The following SMCO3 variants were observed in gnomAD, a reference collection of about 807,000 sequenced individuals.
SMCO3 encodes single-pass membrane and coiled-coil domain-containing protein 3.
Under a neutral mutation model 12.0 loss-of-function variants are expected in SMCO3, and 6 were observed. The observed-to-expected ratio is 0.50, with a 90% confidence interval of 0.27 to 0.99. SMCO3 has a LOEUF of 0.99. Ranked by LOEUF, SMCO3 falls within the 50% of genes least tolerant of loss-of-function variation. The probability of loss-of-function intolerance (pLI) is 0.11; values close to 1 mark genes in which losing one functional copy is unlikely to be tolerated. For missense variants in SMCO3, 279 were observed against 265.0 expected (o/e 1.05, Z -0.37); for synonymous variants, 96 against 96.4 (o/e 1.00, Z 0.02).
At chr12:14,812,120 A>T (rs572679521) in intron 1 of SMCO3, among the ~76,000 whole-genome samples, 1 of 152,314 alleles carries the variant, frequency 6.6e-6, no homozygotes, top group East Asian at 1.9e-4. Flanking sequence ...TTCATCTTTT[A>T]TTCACTTAAC....
chr12:14,807,262 C>T (rs572659945), intron 1 of SMCO3, among the ~76,000 whole-genome samples: 4 of 152,310 alleles, frequency 2.6e-5, no homozygotes, highest in South Asian at 2.1e-4. Flanking sequence ...AAATATTCAT[C>T]GTTTGTCAAG....
At chr12:14,808,369 CT>C (rs994415969) in intron 1 of SMCO3, among the ~76,000 whole-genome samples, 50 of 145,546 alleles carry the variant, frequency 3.4e-4, no homozygotes, top group Admixed American at 4.1e-4. Flanking sequence ...GTGGCTGGTA[CT>C]TTTTTTTTTT....
At chr12:14,811,199 A>C (rs1950130565) in intron 1 of SMCO3, among the ~76,000 whole-genome samples, 1 of 152,180 alleles carries the variant, frequency 6.6e-6, no homozygotes, top group Non-Finnish European at 1.5e-5. Flanking sequence ...ACTTTTGTAC[A>C]GAGTTTGTGC....
Position 14,806,371 on chromosome 12 carries a change from C to T in SMCO3, c.310G>A (p.Glu104Lys), listed in dbSNP as rs753092756. ...TLYRKLQDIK[E>K]KETDKIAIVQ... ...ATTGCAATTTTGTCTGTTTCCTTTTCCTTAATATCCTGAAGTTTTCTATAG... is the reference window on the plus strand; with the variant it reads ...ATTGCAATTTTGTCTGTTTCCTTTTTCTTAATATCCTGAAGTTTTCTATAG... The change falls in exon 2 of 2, where the codon GAA becomes AAA. Residue 104 changes from glutamate (E) to lysine (K), a missense_variant. Glu to Lys is a moderately conservative substitution (Grantham distance 56). Transcript: ENST00000316048. 9.3e-6 allele frequency: 15 copies of T among 1,614,044 alleles called. No homozygotes were observed. The highest frequency in any genetic ancestry group is 1.3e-5 in the Non-Finnish European group (15 of 1,180,042).
rs1184288882 is a variant in SMCO3, at chr12:14,806,264, A to G, written c.417T>C (p.Asn139=). Residue 139 remains asparagine, a synonymous_variant, in exon 2 of 2, where the codon AAT becomes AAC. Coordinates refer to ENST00000316048, the MANE Select transcript of SMCO3 (RefSeq NM_001013698.2). ...SAVAVKLVGS[N]VTTGIINKLV... is the part of the protein sequence containing the mutation. ...ACTTGTTAATTATGCCAGTTGTGAC[A>G]TTTGAGCCCACAAGTTTAACAGCGA... 4 of 1,614,118 alleles carry G rather than the reference A, an allele frequency of 2.5e-6. No homozygotes were observed. The South Asian group carries it at 3.3e-5, about 13-fold the overall frequency.
intron 1 of SMCO3, among the ~76,000 whole-genome samples, chr12:14,809,172 G>T (rs925217905): frequency 6.6e-6 from 1 of 152,092 alleles, no homozygotes; most frequent in Non-Finnish European, 1.5e-5. Context: ...TTATATGAAG[G>T]CATAGTTTCC....
Position 14,806,040 on chromosome 12 carries a change from G to T in SMCO3, c.641C>A (p.Thr214Asn). The change falls in exon 2 of 2, where the codon ACT (threonine) becomes AAT (asparagine). Residue 214 changes from threonine (T) to asparagine (N), a missense_variant. Coordinates refer to ENST00000316048, the MANE Select transcript of SMCO3 (RefSeq NM_001013698.2). ...SASEKYNHAITEVINTVKHQM... is the reference protein window; with the variant it reads ...SASEKYNHAINEVINTVKHQM... ...GTGTTTCACTGTATTGATGACCTCA[G>T]TAATGGCATGATTATATTTTTCTGA... is the stretch of plus-strand genomic sequence containing the variant. The T allele has an allele frequency of 6.2e-7, 1 of 1,614,080 alleles. No individual in the cohort carries two copies. The highest frequency in any genetic ancestry group is 8.5e-7 in the Non-Finnish European group (1 of 1,179,988).
intron 1 of SMCO3, among the ~76,000 whole-genome samples, chr12:14,811,752 T>C (rs1950142443): frequency 6.6e-6 from 1 of 152,224 alleles, no homozygotes; most frequent in African/African-American, 2.4e-5. Context: ...GTACTGATCA[T>C]CATATGTTCA....
At chr12:14,811,650 T>C (rs1950140062) in intron 1 of SMCO3, among the ~76,000 whole-genome samples, 1 of 152,238 alleles carries the variant, frequency 6.6e-6, no homozygotes, top group Non-Finnish European at 1.5e-5. Flanking sequence ...AGAAATATGC[T>C]GATAATTGTG....
rs554648075 is a variant in SMCO3 at position 14,812,307 on chromosome 12, G to A, written c.-17+1819C>T. Reference sequence around the variant, plus strand: ...AAAATACAAAAAATTAGCCGGGCGCGGTGGCGGGCGCCTGTAGTCCCAGCT... The same window carrying A: ...AAAATACAAAAAATTAGCCGGGCGCAGTGGCGGGCGCCTGTAGTCCCAGCT... On this transcript the variant is annotated intron_variant, in intron 1 of 1. Coordinates refer to ENST00000316048, the MANE Select transcript of SMCO3 (RefSeq NM_001013698.2). Among the ~76,000 whole-genome samples, 153 of 152,322 alleles carry A rather than the reference G, an allele frequency of 1.0e-3. No homozygotes were observed. The Middle Eastern group carries it at 0.017, about 17-fold the overall frequency.
rs770717856 is a variant in SMCO3, at chr12:14,805,956, C to T, written c.*47G>A. 6.6e-7 allele frequency: 1 copy of T among 1,524,614 alleles called. No homozygotes were observed. The highest frequency in any genetic ancestry group is 1.4e-5 in the African/African-American group (1 of 72,226). 94.4% of individuals were successfully genotyped at this position (1,524,614 alleles called of 1,614,324 possible). A position where few individuals can be genotyped will look rare whatever the true frequency, so the allele number is the denominator to read the frequency against. On this transcript the variant is annotated 3_prime_UTR_variant, in exon 2 of 2. Transcript: ENST00000316048. ...CTAATCAAAGAAGCAAACACTGTTA[C>T]TGAAAAGGAAGCAGAAAAACACTTC...
At chr12:14,812,385 A>C (rs1950154442) in intron 1 of SMCO3, among the ~76,000 whole-genome samples, 1 of 152,162 alleles carries the variant, frequency 6.6e-6, no homozygotes, top group Non-Finnish European at 1.5e-5. Flanking sequence ...CAGAGCTTGC[A>C]GTGAGCCGAG....
At chr12:14,807,405 T>C (rs1950070202) in intron 1 of SMCO3, among the ~76,000 whole-genome samples, 2 of 152,194 alleles carry the variant, frequency 1.3e-5, no homozygotes, top group Admixed American at 6.5e-5. Flanking sequence ...AGTCACCACA[T>C]TGACCACACC....
intron 1 of SMCO3, among the ~76,000 whole-genome samples, chr12:14,809,040 T>C (rs1450257107): frequency 6.6e-6 from 1 of 152,242 alleles, no homozygotes; most frequent in Non-Finnish European, 1.5e-5. Context: ...TATTATGAAG[T>C]GAAAACTCTA....
In SMCO3 at chr12:14,805,702, C is replaced by A; in HGVS notation, c.*301G>T. On this transcript the variant is annotated 3_prime_UTR_variant, in exon 2 of 2. Coordinates refer to ENST00000316048, the MANE Select transcript of SMCO3 (RefSeq NM_001013698.2). ...TGAAATTAGAAAAGAGAAAAGTAAC[C>A]CCTATACTTGCTACTCTACGATAGC... The A allele has an allele frequency of 7.1e-6, 2 of 279,920 alleles. No individual in the cohort carries two copies. The highest frequency in any genetic ancestry group is 4.8e-5 in the Admixed American group (1 of 21,030). The allele number at this position is 279,920 out of a possible 1,614,324, so 17.3% of individuals were successfully genotyped here. A position where few individuals can be genotyped will look rare whatever the true frequency, so the allele number is the denominator to read the frequency against.
In SMCO3 at chr12:14,806,516, C is replaced by G; in HGVS notation, c.165G>C (p.Glu55Asp). Residue 55 changes from glutamate (E) to aspartate (D), a missense_variant, in exon 2 of 2, where the codon GAG (glutamate) becomes GAC (aspartate). Physicochemically the swap from Glu to Asp is conservative, Grantham distance 45. Coordinates refer to ENST00000316048, the MANE Select transcript of SMCO3 (RefSeq NM_001013698.2). ...CTTTGATGGTCCCATCTCTTTTCAT[C>G]TCAATGGAGGCCAGCCTGCACCCCA... is the stretch of plus-strand genomic sequence containing the variant. ...MHLGCRLASI[E>D]MKRDGTIKEN... 2 of 1,614,114 alleles carry G rather than the reference C, an allele frequency of 1.2e-6. No homozygotes were observed. The highest frequency in any genetic ancestry group is 1.7e-6 in the Non-Finnish European group (2 of 1,180,028).
Position 14,806,083 on chromosome 12 carries a change from C to T in SMCO3, c.598G>A (p.Val200Met). 2 of 1,614,182 alleles carry T rather than the reference C, an allele frequency of 1.2e-6. No individual in the cohort carries two copies. The highest frequency in any genetic ancestry group is 1.7e-6 in the Non-Finnish European group (2 of 1,180,038). ...TTTTCTGAGGCTGATTTGAACTCCA[C>T]CAGATGCTTCTCATAACTTTTGATG... is the stretch of plus-strand genomic sequence containing the variant. ...AAIKSYEKHL[V>M]EFKSASEKYN... is the part of the protein sequence containing the mutation. The change falls in exon 2 of 2, where the codon GTG (valine) becomes ATG (methionine). Residue 200 changes from valine to methionine, a missense_variant. Val to Met is a conservative substitution (Grantham distance 21). Coordinates refer to ENST00000316048, the MANE Select transcript of SMCO3 (RefSeq NM_001013698.2).
intron 1 of SMCO3, 122 bp downstream of exon 1, chr12:14,814,004 T>G (rs1007957207): frequency 6.6e-6 from 1 of 152,208 alleles, no homozygotes; most frequent in African/African-American, 2.4e-5. Context: ...ATAACAAAGC[T>G]GTTTTTTTAC....
Position 14,811,942 on chromosome 12 carries a change from C to T in SMCO3, c.-17+2184G>A, listed in dbSNP as rs369355142. ...ATTAAAAGTGAACGGTTTGGTAAAA[C>T]GATTTTTAAATATATACTTATTACC... On this transcript the variant is annotated intron_variant, in intron 1 of 1. Coordinates refer to ENST00000316048, the MANE Select transcript of SMCO3 (RefSeq NM_001013698.2). Among the ~76,000 whole-genome samples the T allele has an allele frequency of 4.2e-3, 635 of 152,172 alleles. 8 individuals carry two copies. Among genetic ancestry groups the T allele is most frequent in the African/African-American group, 0.015 (604 of 41,518 alleles).
Sources: allele counts gnomAD v4.1 joint callset (sites outside exome capture counted in the v4.1 genomes callset), GRCh38; gene constraint gnomAD v4.1.1; transcripts MANE v1.5; gene names NCBI Gene and HGNC (gene_info 2026-07-23, HGNC 2026-07-21).